Variants in ATM observed in about 807,000 individuals in gnomAD.
ATM encodes serine-protein kinase ATM.
ATM carries 308 observed loss-of-function variants against 387.0 expected under a neutral mutation model. The observed-to-expected ratio is 0.80, with a 90% CI of 0.73 to 0.87. The LOEUF is 0.87. Ranked by LOEUF, ATM falls within the 40% of genes least tolerant of loss-of-function variation. The probability of loss-of-function intolerance (pLI) is 0.00; values close to 1 mark genes in which losing one functional copy is unlikely to be tolerated. For missense variants in ATM, 3,312 were observed against 3,560.9 expected (o/e 0.93, Z 1.78); for synonymous variants, 1,156 against 1,187.3 (o/e 0.97, Z 0.54).
chr11:108,332,939 G>A (rs2086440836), intron 53 of ATM, 39 bp downstream of exon 53: 4 of 1,594,640 alleles, frequency 2.5e-6, no homozygotes, highest in East Asian at 2.2e-5. Context: ...CTTTCTTGCT[G>A]TGTTACTCTC....
rs536194346 is a variant in ATM at position 108,309,255 on chromosome 11, C to G, written c.5763-905C>G. 2.0e-5 allele frequency among the ~76,000 whole-genome samples: 3 copies of G among 152,310 alleles called. No homozygotes were observed. The South Asian group carries it at 6.2e-4, about 32-fold the overall frequency. On this transcript the variant is annotated intron_variant, in intron 38 of 62. Coordinates refer to ENST00000675843, the MANE Select transcript of ATM (RefSeq NM_000051.4). ...TTTGAACCTCAGTCTTATCATCTTT[C>G]AAAATCAGAATAATGTCTGTAGTGT...
chr11:108,344,398 G>A lies in ATM; in HGVS notation c.8418+1027G>A, dbSNP rs529179598. Among the ~76,000 whole-genome samples, 107 of 152,246 alleles carry A rather than the reference G, an allele frequency of 7.0e-4. 2 individuals are homozygous for A. The highest frequency in any genetic ancestry group is 2.5e-3 in the African/African-American group (104 of 41,544). Reference sequence around the variant, plus strand: ...AGCAGGAAAAGACAACATAAGCATAGGCTTAGTGTTTGAGGAAGAAAAGAT... The same window carrying A: ...AGCAGGAAAAGACAACATAAGCATAAGCTTAGTGTTTGAGGAAGAAAAGAT... On this transcript the variant is annotated intron_variant, in intron 57 of 62. Transcript: ENST00000675843.
intron 54 of ATM, among the ~76,000 whole-genome samples, chr11:108,334,545 T>G (rs1274906501): frequency 2.6e-5 from 4 of 152,212 alleles, no homozygotes; most frequent in Non-Finnish European, 5.9e-5. Context: ...GTCTTTCTTT[T>G]CATTTTGCAG....
chr11:108,323,964 A>AGTTTT (rs1187019915), intron 45 of ATM, among the ~76,000 whole-genome samples: 1 of 152,196 alleles, frequency 6.6e-6, no homozygotes, highest in Non-Finnish European at 1.5e-5. Flanking sequence ...ATGCTCACTA[A>AGTTTT]GTTTTGTTTT....
intron 34 of ATM, among the ~76,000 whole-genome samples, chr11:108,300,337 C>G (rs2083360770): frequency 6.6e-6 from 1 of 152,182 alleles, no homozygotes; most frequent in South Asian, 2.1e-4. Flanking sequence ...ACAGGGTCTT[C>G]TATTACTTAT....
intron 3 of ATM, 148 bp from the exon 4 acceptor site, chr11:108,229,030 A>C (rs2078874943): frequency 1.3e-6 from 1 of 742,390 alleles, no homozygotes; most frequent in Non-Finnish European, 2.2e-6. Context: ...AGAGAGATTT[A>C]ATTGTTTTAT....
At position 108,292,673 on chromosome 11, in the gene ATM, ATTAAG is replaced by A; in HGVS notation, c.4493_4497del (p.Leu1498SerfsTer11). 1 of 1,613,738 alleles carries A rather than the reference ATTAAG, an allele frequency of 6.2e-7. No individual in the cohort carries two copies. The highest frequency in any genetic ancestry group is 1.3e-5 in the African/African-American group (1 of 74,880). Reference sequence around the variant, plus strand: ...GTAGCTTCTCCCTTTGTTGTGACTTATTAAGTCAGGTTTGCCAGACAGCCGTGACT... The same window carrying A: ...GTAGCTTCTCCCTTTGTTGTGACTTATCAGGTTTGCCAGACAGCCGTGACT... On this transcript the variant is annotated frameshift_variant, in exon 30 of 63. Coordinates refer to ENST00000675843, the MANE Select transcript of ATM (RefSeq NM_000051.4). LOFTEE classifies it high-confidence loss of function.
intron 52 of ATM, among the ~76,000 whole-genome samples, 169 bp downstream of exon 52, chr11:108,332,206 T>C (rs1372882164): frequency 1.3e-5 from 2 of 152,096 alleles, no homozygotes; most frequent in African/African-American, 2.4e-5. Flanking sequence ...GGCGGGTGGA[T>C]TACTTGAGGT....
intron 32 of ATM, 25 bp downstream of exon 32, chr11:108,295,084 T>C (rs373636465): frequency 1.2e-6 from 2 of 1,613,146 alleles, no homozygotes; most frequent in Non-Finnish European, 1.7e-6. Context: ...TGACATGGGC[T>C]ATTTCTACCT....
rs878853544 is a variant in ATM, at chr11:108,330,315, A to G, written c.7409A>G (p.Tyr2470Cys). 6.2e-7 allele frequency: 1 copy of G among 1,614,108 alleles called. No individual in the cohort carries two copies. The highest frequency in any genetic ancestry group is 8.5e-7 in the Non-Finnish European group (1 of 1,179,916). The change falls in exon 50 of 63, where the codon TAT becomes TGT. Residue 2470 changes from tyrosine (Y) to cysteine (C), a missense_variant. Around this residue, in one of 4 missense-constraint regions of ATM, gnomAD observed 1,405 missense variants for 1,604.4 expected, o/e 0.88. Transcript: ENST00000675843. ...TTCTTATGTAAAGCAGTTGAAAATTATATCAACTGCTTATTAAGTGGAGAA... is the reference window on the plus strand; with the variant it reads ...TTCTTATGTAAAGCAGTTGAAAATTGTATCAACTGCTTATTAAGTGGAGAA... ...KRFLCKAVEN[Y>C]INCLLSGEEH...
chr11:108,348,600 T>A (rs918925034), intron 59 of ATM, among the ~76,000 whole-genome samples: 5 of 152,020 alleles, frequency 3.3e-5, no homozygotes, highest in African/African-American at 1.2e-4. Flanking sequence ...GAAGTGTGAA[T>A]GTAATGACAA....
chr11:108,231,176 A>C (rs1005590481), intron 4 of ATM, among the ~76,000 whole-genome samples: 5 of 152,174 alleles, frequency 3.3e-5, no homozygotes, highest in Admixed American at 2.0e-4. Flanking sequence ...AACAACCCCC[A>C]AAAATATTTT....
In ATM at chr11:108,244,027, A is replaced by T. The variant is rs2079701705; in HGVS notation, c.571A>T (p.Ile191Phe). The T allele has an allele frequency of 6.2e-7, 1 of 1,613,236 alleles. No homozygotes were observed. The highest frequency in any genetic ancestry group is 1.7e-5 in the Admixed American group (1 of 59,964). Residue 191 changes from isoleucine to phenylalanine, a missense_variant, in exon 6 of 63, where the codon ATT becomes TTT. Coordinates refer to ENST00000675843, the MANE Select transcript of ATM (RefSeq NM_000051.4). ...TCATAGAGTTTTAGTGGCTAGAATA[A>T]TTCATGCTGTTACCAAAGGATGCTG... The part of the protein sequence containing the change: ...DVHRVLVARI[I>F]HAVTKGCCSQ...
rs757243222 is a variant in ATM at position 108,325,518 on chromosome 11, C to T, written c.6781C>T (p.Leu2261=). The T allele has an allele frequency of 1.2e-6, 2 of 1,610,714 alleles. No homozygotes were observed. The highest frequency in any genetic ancestry group is 1.7e-6 in the Non-Finnish European group (2 of 1,178,054). ...CAAACACCTTGTAGAACTCTCTATA[C>T]TGGCCAGAACTTTCAAGAACACTCA... ...LTKHLVELSI[L]ARTFKNTQLP... is the part of the protein sequence containing the mutation. The change falls in exon 46 of 63, where the codon CTG becomes TTG. Residue 2261 remains leucine (L), a synonymous_variant. Transcript: ENST00000675843.
intron 32 of ATM, chr11:108,296,873 A>C (rs957574431): frequency 1.9e-5 from 5 of 267,660 alleles, no homozygotes; most frequent in Non-Finnish European, 2.9e-5. Context: ...TGGACAGTGT[A>C]GATTATAGAC....
chr11:108,288,500 A>G (rs902382823), intron 27 of ATM, among the ~76,000 whole-genome samples: 1 of 82,328 alleles, frequency 1.2e-5, no homozygotes, highest in Non-Finnish European at 2.3e-5. Flanking sequence ...AATATGCTTT[A>G]CTTTTTTTTT....
At chr11:108,363,115 T>C (rs114190440) in intron 61 of ATM, among the ~76,000 whole-genome samples, 2,094 of 152,310 alleles carry the variant, frequency 0.014, 56 homozygotes, top group African/African-American at 0.047. Context: ...AGAATAATTT[T>C]CCCAGTGATC....
chr11:108,319,922 A>G, intron 43 of ATM, 32 bp from the exon 44 acceptor site: 2 of 1,476,516 alleles, frequency 1.4e-6, no homozygotes, highest in Non-Finnish European at 1.9e-6. Context: ...TTCTGTTTTT[A>G]AGTATATTTT....
At chr11:108,235,902 C>G (rs2135128629) in intron 5 of ATM, 68 bp downstream of exon 5, 1 of 1,530,840 alleles carries the variant, frequency 6.5e-7, no homozygotes, top group Non-Finnish European at 9.0e-7. Flanking sequence ...AGAAAGCACT[C>G]TGTCTGTATC....
Sources: gnomAD v4.1 joint callset for allele counts (sites outside exome capture counted in the v4.1 genomes callset) on GRCh38, gnomAD v4.1.1 for gene constraint, gnomAD v4.1.1 regional missense constraint, MANE v1.5 for transcripts, NCBI Gene and HGNC (gene_info 2026-07-23, HGNC 2026-07-21) for gene names.